TM7SF3: variants seen among roughly 807,000 people sequenced by gnomAD.
TM7SF3 encodes transmembrane 7 superfamily member 3.
Under a neutral mutation model 65.5 loss-of-function variants are expected in TM7SF3, and 60 were observed. The ratio of observed to expected loss-of-function variants is 0.92; its 90% CI spans 0.74 to 1.14. The LOEUF is 1.14. TM7SF3 is among the 50% of genes most tolerant of loss of function. The pLI is 0.00. For missense variants in TM7SF3, 623 were observed against 684.8 expected (o/e 0.91, Z 1.01); for synonymous variants, 264 against 259.6 (o/e 1.02, Z -0.16).
Position 27,014,268 on chromosome 12 carries a change from G to T in TM7SF3, c.-100C>A. ...TCGCCCACGCTATCCCGGGGCGCCC[G>T]CATCGGGCGCCATCGCCCGCCAGGT... On this transcript the variant is annotated 5_prime_UTR_variant, in exon 1 of 12. Coordinates refer to ENST00000343028, the MANE Select transcript of TM7SF3 (RefSeq NM_016551.3). 1 of 1,113,238 alleles carries T rather than the reference G, an allele frequency of 9.0e-7. No individual in the cohort carries two copies. Among genetic ancestry groups the T allele is most frequent in the Non-Finnish European group, 1.2e-6 (1 of 823,876 alleles). 69.0% of individuals were successfully genotyped at this position (1,113,238 alleles called of 1,614,324 possible). A position where few individuals can be genotyped will look rare whatever the true frequency, so the allele number is the denominator to read the frequency against.
At chr12:26,981,958 C>G (rs920023949) in intron 7 of TM7SF3, among the ~76,000 whole-genome samples, 2 of 152,182 alleles carry the variant, frequency 1.3e-5, no homozygotes, top group African/African-American at 4.8e-5. Context: ...CACTGCAGCC[C>G]CATAGCCTGA....
Position 26,999,521 on chromosome 12 carries a change from GT to G in TM7SF3, c.397+4del. 6.2e-7 allele frequency: 1 copy of G among 1,613,810 alleles called. No individual in the cohort carries two copies. The highest frequency in any genetic ancestry group is 8.5e-7 in the Non-Finnish European group (1 of 1,179,782). On this transcript the variant is annotated splice_donor_region_variant and intron_variant, in intron 3 of 11. Transcript: ENST00000343028. ...GTAAGAGGGAGGAGAAGACAGAAGG[GT>G]TACCTCTTTCTGAGTAGGAGAGTAG...
rs941641311 is a variant in TM7SF3, at chr12:26,972,750, G to A, written c.*1215C>T. On this transcript the variant is annotated 3_prime_UTR_variant, in exon 12 of 12. Transcript: ENST00000343028. ...CAGGTTTGAGCCACCGCACCTGGTCGGCAATATAGATTAAGGTGGGGGTTA... is the reference window on the plus strand; with the variant it reads ...CAGGTTTGAGCCACCGCACCTGGTCAGCAATATAGATTAAGGTGGGGGTTA... Among the ~76,000 whole-genome samples the A allele has an allele frequency of 3.3e-5, 5 of 151,636 alleles. No individual in the cohort carries two copies. Among genetic ancestry groups the A allele is most frequent in the South Asian group, 2.1e-4 (1 of 4,798 alleles).
At chr12:26,999,904 A>G (rs1940761755) in intron 2 of TM7SF3, 1 of 462,884 alleles carries the variant, frequency 2.2e-6, no homozygotes, top group African/African-American at 1.9e-5. Flanking sequence ...TAAGGCTGCT[A>G]TAACAAAGTA....
Position 26,990,575 on chromosome 12 carries a change from G to T in TM7SF3, c.743C>A (p.Pro248Gln), listed in dbSNP as rs10771314. ...DKTSVSFSSL[P>Q]GQGVIYNVIV... ...GACATTGTATATGACACCTTGTCCC[G>T]GGAGGGAGGAGAAGGAAACACTTGT... The change falls in exon 6 of 12, where the codon CCG becomes CAG. Residue 248 changes from proline to glutamine, a missense_variant. Transcript: ENST00000343028. 13 of 1,613,852 alleles carry T rather than the reference G, an allele frequency of 8.1e-6. No homozygotes were observed. The highest frequency in any genetic ancestry group is 1.1e-5 in the South Asian group (1 of 91,068).
Position 27,014,286 on chromosome 12 carries a change from C to A in TM7SF3, c.-118G>T. 1 of 879,800 alleles carries A rather than the reference C, an allele frequency of 1.1e-6. No individual in the cohort carries two copies. Among genetic ancestry groups the A allele is most frequent in the South Asian group, 2.0e-5 (1 of 49,728 alleles). 54.5% of individuals were successfully genotyped at this position (879,800 alleles called of 1,614,324 possible). A position where few individuals can be genotyped will look rare whatever the true frequency, so the allele number is the denominator to read the frequency against. ...GGCGCCCGCATCGGGCGCCATCGCC[C>A]GCCAGGTGCAGACGCTTCGCACCTG... is the stretch of plus-strand genomic sequence containing the variant. On this transcript the variant is annotated 5_prime_UTR_variant, in exon 1 of 12. Transcript: ENST00000343028.
chr12:27,003,689 A>C (rs1190505231), intron 1 of TM7SF3, among the ~76,000 whole-genome samples: 1 of 152,178 alleles, frequency 6.6e-6, no homozygotes, highest in Admixed American at 6.5e-5. Context: ...CAGCAATAAC[A>C]ATGATCTCTG....
chr12:27,007,242 G>A (rs1941073419), intron 1 of TM7SF3, among the ~76,000 whole-genome samples: 2 of 152,160 alleles, frequency 1.3e-5, no homozygotes, highest in South Asian at 4.1e-4. Flanking sequence ...GGAAAATGAT[G>A]CCTCATCATC....
intron 3 of TM7SF3, 74 bp downstream of exon 3, chr12:26,999,452 T>C: frequency 6.7e-7 from 1 of 1,483,508 alleles, no homozygotes; most frequent in Non-Finnish European, 9.3e-7. Context: ...CTCAATAGGA[T>C]AATTTTCCTT....
At chr12:27,001,566 G>A (rs971669444) in intron 2 of TM7SF3, among the ~76,000 whole-genome samples, 1 of 152,126 alleles carries the variant, frequency 6.6e-6, no homozygotes, top group African/African-American at 2.4e-5. Flanking sequence ...AGGAGCTTAA[G>A]AACCACTGGC....
At chr12:27,003,483 A>C in intron 1 of TM7SF3, 93 bp from the exon 2 acceptor site, 1 of 1,230,788 alleles carries the variant, frequency 8.1e-7, no homozygotes, top group Non-Finnish European at 1.1e-6. Context: ...TTTAATCCTC[A>C]GAAAAACTCC....
chr12:26,989,967 A>G (rs1371965802), intron 6 of TM7SF3, among the ~76,000 whole-genome samples: 2 of 151,924 alleles, frequency 1.3e-5, no homozygotes, highest in African/African-American at 4.8e-5. Flanking sequence ...CCTCACCTCT[A>G]CTTCCTTTGC....
intron 1 of TM7SF3, chr12:27,012,979 C>T: frequency 6.8e-6 from 1 of 147,910 alleles, no homozygotes; most frequent in Non-Finnish European, 1.3e-5. Context: ...GCCTAGGCGA[C>T]AGAGCGAGAC....
rs139225226 is a variant in TM7SF3, at chr12:26,991,059, G to A, written c.691-432C>T. The stretch of plus-strand genomic sequence containing the variant: ...AACGCAGACAGTCTGTTAACATCTC[G>A]CAGACAGTACCCACTTATTTTTGTC... On this transcript the variant is annotated intron_variant, in intron 5 of 11. Transcript: ENST00000343028. 5.4e-3 allele frequency among the ~76,000 whole-genome samples: 824 copies of A among 151,520 alleles called. 9 individuals carry two copies. Among genetic ancestry groups the A allele is most frequent in the African/African-American group, 0.018 (758 of 41,300 alleles).
intron 3 of TM7SF3, among the ~76,000 whole-genome samples, chr12:26,997,940 C>T (rs555311558): frequency 2.0e-5 from 3 of 151,380 alleles, no homozygotes; most frequent in Admixed American, 1.3e-4. Flanking sequence ...ATTCTCCTGC[C>T]GCAGCCTCCT....
At chr12:26,976,465 C>A in intron 9 of TM7SF3, 108 bp from the exon 10 acceptor site, 1 of 694,548 alleles carries the variant, frequency 1.4e-6, no homozygotes, top group Non-Finnish European at 2.5e-6. Context: ...AAGTAACAAC[C>A]AGGGAATATG....
At position 26,995,211 on chromosome 12, in the gene TM7SF3, A is replaced by G. The variant is rs142584612; in HGVS notation, c.690+26T>C. The G allele has an allele frequency of 4.6e-4, 736 of 1,600,832 alleles. 2 individuals carry two copies. Among genetic ancestry groups the G allele is most frequent in the Middle Eastern group, 1.0e-3 (6 of 5,736 alleles). On this transcript the variant is annotated intron_variant, in intron 5 of 11. Transcript: ENST00000343028. Reference sequence around the variant, plus strand: ...CTGACAAAGGTGTCACAATCCAGCCACACAAATCATGGGACTCAGATTTAC... The same window carrying G: ...CTGACAAAGGTGTCACAATCCAGCCGCACAAATCATGGGACTCAGATTTAC...
At chr12:27,002,400 T>C (rs1398639806) in intron 2 of TM7SF3, among the ~76,000 whole-genome samples, 2 of 151,732 alleles carry the variant, frequency 1.3e-5, no homozygotes, top group South Asian at 2.1e-4. Flanking sequence ...ACGACCACAT[T>C]CCGGCGTGGG....
At chr12:26,995,527 C>T in intron 4 of TM7SF3, 119 bp from the exon 5 acceptor site, 1 of 1,084,904 alleles carries the variant, frequency 9.2e-7, no homozygotes, top group Non-Finnish European at 1.3e-6. Context: ...TAACAGTTCA[C>T]CTTTTGCAGT....
Sources: allele counts gnomAD v4.1 joint callset (sites outside exome capture counted in the v4.1 genomes callset), GRCh38; gene constraint gnomAD v4.1.1; transcripts MANE v1.5; gene names NCBI Gene and HGNC (gene_info 2026-07-23, HGNC 2026-07-21).